Variants in TRERF1 observed in about 807,000 individuals in gnomAD.
The protein encoded by TRERF1 is transcriptional-regulating factor 1.
Under a neutral mutation model 122.9 loss-of-function variants are expected in TRERF1, and 27 were observed. That is an observed-to-expected ratio of 0.22 (90% CI 0.16 to 0.30). The LOEUF (loss-of-function observed/expected upper bound fraction) is 0.30, where lower values mean the gene tolerates loss of function less well. TRERF1 is among the 10% of genes least tolerant of loss of function. TRERF1 has a pLI of 1.00. For synonymous variants in TRERF1, 636 were observed against 641.7 expected (o/e 0.99, Z 0.13); for missense variants, 1,248 against 1,560.3 (o/e 0.80, Z 3.37).
At chr6:42,257,003 C>T (rs1364507449) in exon 11 of TRERF1, 4 of 1,614,216 alleles carry the variant, frequency 2.5e-6, no homozygotes, top group East Asian at 2.2e-5. Context: ...CTGGCCAGGG[C>T]TTCCATACCA....
At chr6:42,350,189 A>G (rs187521908) in intron 3 of TRERF1, among the ~76,000 whole-genome samples, 2 of 152,330 alleles carry the variant, frequency 1.3e-5, no homozygotes, top group African/African-American at 4.8e-5. Context: ...TGAGAAGCCC[A>G]CTGCACAGCT....
intron 3 of TRERF1, among the ~76,000 whole-genome samples, chr6:42,357,683 C>T (rs911621812): frequency 2.6e-5 from 4 of 152,152 alleles, no homozygotes; most frequent in South Asian, 2.1e-4. Flanking sequence ...TTCACACGGG[C>T]GAGCGAGCAG....
chr6:42,259,366 TGGGCGTCAG>T lies in TRERF1; in HGVS notation c.2233_2241del (p.Leu745_Pro747del), dbSNP rs762791035. On this transcript the variant is annotated inframe_deletion, in exon 9 of 18. Transcript: ENST00000372922. This position sits in a 1 kb window ranked among gnomAD's most constrained non-coding sequence, Gnocchi z 4.9. Reference sequence around the variant, plus strand: ...GAGCGACACAGCAGCACCCGTGGTGTGGGCGTCAGGGGCGTCAGGGGCAGCTGCGGGTGG... The same window carrying T: ...GAGCGACACAGCAGCACCCGTGGTGTGGGCGTCAGGGGCAGCTGCGGGTGG... The T allele has an allele frequency of 1.1e-5, 16 of 1,515,086 alleles. No individual in the cohort carries two copies. The highest frequency in any genetic ancestry group is 1.3e-5 in the South Asian group (1 of 76,458). 93.9% of individuals were successfully genotyped at this position (1,515,086 alleles called of 1,614,324 possible).
At chr6:42,388,144 TATC>T (rs1777111744) in intron 2 of TRERF1, among the ~76,000 whole-genome samples, 1 of 151,950 alleles carries the variant, frequency 6.6e-6, no homozygotes, top group African/African-American at 2.4e-5. Flanking sequence ...GCTATCAGGG[TATC>T]AAAACCAATT....
chr6:42,258,181 C>A (rs764250717), exon 10 of TRERF1: 4 of 1,614,224 alleles, frequency 2.5e-6, no homozygotes, highest in Non-Finnish European at 3.4e-6. Context: ...GTGACCGTCA[C>A]GTTGCTGCCA....
downstream of TRERF1, chr6:42,224,996 A>G (rs575216022): frequency 6.6e-6 from 1 of 152,310 alleles, no homozygotes; most frequent in East Asian, 1.9e-4. Flanking sequence ...GTTTTCACAA[A>G]TAAATATGAC....
chr6:42,396,493 A>G (rs1778611638), intron 2 of TRERF1, among the ~76,000 whole-genome samples: 1 of 152,224 alleles, frequency 6.6e-6, no homozygotes, highest in African/African-American at 2.4e-5. Flanking sequence ...GATAGAGAAT[A>G]ATAAATATTT....
intron 2 of TRERF1, among the ~76,000 whole-genome samples, chr6:42,390,883 C>T (rs1006938915): frequency 1.3e-5 from 2 of 152,144 alleles, no homozygotes; most frequent in Admixed American, 6.5e-5. Flanking sequence ...ATACACGAGC[C>T]GGCTCTGCAG....
intron 2 of TRERF1, among the ~76,000 whole-genome samples, chr6:42,447,797 C>T (rs906549888): frequency 6.6e-6 from 1 of 152,102 alleles, no homozygotes; most frequent in African/African-American, 2.4e-5. Flanking sequence ...CTCTGCCTCC[C>T]AGGTTCAAGC....
intron 2 of TRERF1, among the ~76,000 whole-genome samples, chr6:42,438,652 C>T (rs1434915655): frequency 6.6e-6 from 1 of 151,928 alleles, no homozygotes; most frequent in African/African-American, 2.4e-5. Context: ...AAATAACCCC[C>T]TTGTGCTTTT....
At chr6:42,421,454 C>G (rs987075551) in intron 2 of TRERF1, among the ~76,000 whole-genome samples, 2 of 152,040 alleles carry the variant, frequency 1.3e-5, no homozygotes, top group Non-Finnish European at 2.9e-5. Context: ...TTTCCTCTTT[C>G]CTTTCTATTC....
In TRERF1 at chr6:42,259,198, T is replaced by C; in HGVS notation, c.2269+141A>G. The stretch of plus-strand genomic sequence containing the variant: ...AAGGGCTATGTATTCCAAGTCTTTC[T>C]TAACACCCAGCAGCGCGTGCTACAT... On this transcript the variant is annotated intron_variant, in intron 9 of 17. Coordinates refer to ENST00000372922, the Ensembl canonical transcript of TRERF1. The surrounding 1 kb of genome is among the most constrained non-coding windows in gnomAD (Gnocchi z 4.9). The C allele has an allele frequency of 8.5e-7, 1 of 1,180,632 alleles. No homozygotes were observed. 73.1% of individuals were successfully genotyped at this position (1,180,632 alleles called of 1,614,324 possible).
chr6:42,368,981 C>A lies in TRERF1; in HGVS notation c.-453-5902G>T, dbSNP rs150787012. On this transcript the variant is annotated intron_variant, in intron 2 of 17. Transcript: ENST00000372922. ...TTAAGATGACCCGAATCCAGGGGTT[C>A]CCAATGTTAGCTGCATTTCTGAAAA... Among the ~76,000 whole-genome samples the A allele has an allele frequency of 2.0e-3, 306 of 152,238 alleles. 1 individual carries two copies. Among genetic ancestry groups the A allele is most frequent in the African/African-American group, 6.8e-3 (282 of 41,524 alleles).
At chr6:42,401,607 C>T (rs1779399308) in intron 2 of TRERF1, among the ~76,000 whole-genome samples, 1 of 152,170 alleles carries the variant, frequency 6.6e-6, no homozygotes, top group African/African-American at 2.4e-5. Flanking sequence ...ACCCCCAGGC[C>T]CTGCCTCAGA....
At chr6:42,243,420 A>G (rs533986441) in intron 14 of TRERF1, 59 bp from the exon 15 acceptor site, 2 of 1,207,190 alleles carry the variant, frequency 1.7e-6, no homozygotes, top group East Asian at 4.7e-5. Flanking sequence ...AAAGGTAGCA[A>G]GCATTTTTGA....
chr6:42,390,598 C>T (rs1056295475), intron 2 of TRERF1, among the ~76,000 whole-genome samples: 1 of 152,124 alleles, frequency 6.6e-6, no homozygotes, highest in South Asian at 2.1e-4. Context: ...AGTGGGAGGC[C>T]GTCGGAGAGA....
chr6:42,257,313 C>T (rs1039137379), intron 10 of TRERF1, among the ~76,000 whole-genome samples: 10 of 152,188 alleles, frequency 6.6e-5, no homozygotes, highest in African/African-American at 2.4e-4. Context: ...ATTTTAGGAG[C>T]AAGGGGGCAG....
intron 2 of TRERF1, among the ~76,000 whole-genome samples, chr6:42,375,197 C>T (rs1210026927): frequency 6.6e-6 from 1 of 152,078 alleles, no homozygotes; most frequent in Non-Finnish European, 1.5e-5. Flanking sequence ...GTCACAGGCT[C>T]TAGATGGGTG....
intron 14 of TRERF1, among the ~76,000 whole-genome samples, chr6:42,245,315 G>A (rs9462793): frequency 3.3e-5 from 5 of 152,190 alleles, no homozygotes; most frequent in Admixed American, 6.5e-5. Flanking sequence ...AGATGGAGGC[G>A]GAGGCGAGGC....
Sources: allele counts gnomAD v4.1 joint callset (sites outside exome capture counted in the v4.1 genomes callset), GRCh38; gene constraint gnomAD v4.1.1; non-coding constraint Gnocchi (gnomAD v3.1); transcripts MANE v1.5; gene names NCBI Gene and HGNC (gene_info 2026-07-23, HGNC 2026-07-21).